PHACTR3: variants seen among roughly 807,000 people sequenced by gnomAD.
PHACTR3 encodes the protein protein phosphatase 1, regulatory subunit 123.
In PHACTR3, 16 loss-of-function variants were observed where a neutral mutation model predicts 66.8. That is an observed-to-expected ratio of 0.24 (90% CI 0.16 to 0.36). The LOEUF is 0.36. PHACTR3 is among the 10% of genes least tolerant of loss of function. The pLI is 1.00. For synonymous variants in PHACTR3, 323 were observed against 292.1 expected, an observed-to-expected ratio of 1.11 and a Z score of -1.08; for missense variants, 647 against 719.9, an observed-to-expected ratio of 0.90 and a Z score of 1.16.
chr20:59,801,525 T>A (rs2146984289), intron 7 of PHACTR3, among the ~76,000 whole-genome samples: 1 of 152,360 alleles, frequency 6.6e-6, no homozygotes, highest in South Asian at 2.1e-4. Context: ...TAGGCTCTGC[T>A]ATTGGGTGTC....
At chr20:59,775,078 C>G (rs538166949) in intron 7 of PHACTR3, among the ~76,000 whole-genome samples, 263 of 79,588 alleles carry the variant, frequency 3.3e-3, no homozygotes, top group African/African-American at 8.4e-3. Flanking sequence ...CCTCATGGTG[C>G]GTTCTCCCAT....
At chr20:59,670,989 C>T (rs866385008) in intron 1 of PHACTR3, among the ~76,000 whole-genome samples, 6 of 152,188 alleles carry the variant, frequency 3.9e-5, no homozygotes, top group African/African-American at 1.2e-4. Context: ...TGCTCATGTG[C>T]GCATGCTTTC....
At chr20:59,723,882 C>T (rs2038450022) in intron 1 of PHACTR3, among the ~76,000 whole-genome samples, 1 of 151,992 alleles carries the variant, frequency 6.6e-6, no homozygotes, top group Admixed American at 6.5e-5. Context: ...TCTTTGTGGT[C>T]TGCTCAGGAG....
intron 1 of PHACTR3, among the ~76,000 whole-genome samples, chr20:59,627,518 G>A (rs2034499727): frequency 6.6e-6 from 1 of 152,222 alleles, no homozygotes; most frequent in African/African-American, 2.4e-5. Flanking sequence ...AGATGAGCAG[G>A]ATGGGGGTTG....
chr20:59,828,720 G>A (rs1236167531), intron 8 of PHACTR3, among the ~76,000 whole-genome samples: 1 of 152,092 alleles, frequency 6.6e-6, no homozygotes, highest in African/African-American at 2.4e-5. Context: ...AGGGGTGGGA[G>A]TAGGAGGGGC....
chr20:59,578,549 G>A (rs1957872100), intron 1 of PHACTR3, among the ~76,000 whole-genome samples: 1 of 152,188 alleles, frequency 6.6e-6, no homozygotes, highest in Non-Finnish European at 1.5e-5. Flanking sequence ...GCCTCGAAAC[G>A]GGTTGATCCT....
chr20:59,709,856 G>A (rs1451418465), intron 1 of PHACTR3, among the ~76,000 whole-genome samples: 1 of 152,024 alleles, frequency 6.6e-6, no homozygotes, highest in Non-Finnish European at 1.5e-5. Flanking sequence ...TCAGAGTCTC[G>A]GTGCCTTCCT....
At chr20:59,759,498 G>A (rs187182246) in intron 4 of PHACTR3, among the ~76,000 whole-genome samples, 113 of 152,286 alleles carry the variant, frequency 7.4e-4, no homozygotes, top group African/African-American at 2.6e-3. Context: ...CTGTAGATGG[G>A]TGTTGGAGTT....
intron 8 of PHACTR3, among the ~76,000 whole-genome samples, chr20:59,807,949 T>A (rs2147003627): frequency 6.6e-6 from 1 of 152,328 alleles, no homozygotes; most frequent in South Asian, 2.1e-4. Flanking sequence ...GGGCACCTTC[T>A]GTGTTGCACC....
In PHACTR3 at chr20:59,806,287, G is replaced by C. The variant is rs1012852245; in HGVS notation, c.1328+93G>C. On this transcript the variant is annotated intron_variant, in intron 8 of 12. Coordinates refer to ENST00000371015, the MANE Select transcript of PHACTR3 (RefSeq NM_080672.5). ...CCCACATCCTGGGTGTGCCAGGCCG[G>C]GACGCACAACCCACCGTCTGCAGCA... 4.7e-6 allele frequency: 7 copies of C among 1,494,454 alleles called. No individual in the cohort carries two copies. The African/African-American group carries it at 9.8e-5, about 21-fold the overall frequency. The allele number at this position is 1,494,454 out of a possible 1,614,324, so 92.6% of individuals were successfully genotyped here. A position where few individuals can be genotyped will look rare whatever the true frequency, so the allele number is the denominator to read the frequency against.
intron 1 of PHACTR3, among the ~76,000 whole-genome samples, chr20:59,658,399 T>G (rs2035696478): frequency 6.6e-6 from 1 of 151,952 alleles, no homozygotes; most frequent in Admixed American, 6.6e-5. Flanking sequence ...AAGCTGGACG[T>G]TTTAGTAGAT....
chr20:59,773,363 C>T lies in PHACTR3; in HGVS notation c.836C>T (p.Pro279Leu), dbSNP rs1039165961. 2.0e-5 allele frequency: 33 copies of T among 1,614,032 alleles called. No homozygotes were observed. The highest frequency in any genetic ancestry group is 2.5e-5 in the Non-Finnish European group (30 of 1,180,048). ...CAGCTCTCCACACCCACGGGGTCTC[C>T]GCATCTCACCACGGTCCACCGGCCT... ...RGQLSTPTGS[P>L]HLTTVHRPLP... The change falls in exon 6 of 13, where the codon CCG (proline) becomes CTG (leucine). Residue 279 changes from proline (P) to leucine (L), a missense_variant. Around this residue, in one of 2 missense-constraint regions of PHACTR3, gnomAD observed 577 missense variants for 571.1 expected, o/e 1.01. Transcript: ENST00000371015.
intron 1 of PHACTR3, chr20:59,676,701 CG>C (rs1896566846): frequency 3.0e-6 from 3 of 985,014 alleles, no homozygotes; most frequent in South Asian, 4.7e-5. Flanking sequence ...CAGAAGCCCG[CG>C]GGGAGAGCAG....
At chr20:59,596,664 GTGTAACACCTCTGGACATTGGCA>G (rs2033332828) in intron 1 of PHACTR3, among the ~76,000 whole-genome samples, 1 of 152,180 alleles carries the variant, frequency 6.6e-6, no homozygotes, top group Admixed American at 6.5e-5. Flanking sequence ...GTTATTCTGC[GTGTAACACCTCTGGACATTGGCA>G]TGCATAGCTT....
Position 59,821,366 on chromosome 20 carries a change from C to T in PHACTR3, c.1329-15139C>T, listed in dbSNP as rs552317247. Among the ~76,000 whole-genome samples, 21 of 152,272 alleles carry T rather than the reference C, an allele frequency of 1.4e-4. 1 individual carries two copies. In the South Asian group the frequency reaches 1.9e-3, roughly 14 times the overall value. ...ACCTTCCTGCTATTTACCCTTATGC[C>T]GGTGTTGATCCTCCATGGTCCAGGG... is the stretch of plus-strand genomic sequence containing the variant. On this transcript the variant is annotated intron_variant, in intron 8 of 12. Transcript: ENST00000371015.
intron 1 of PHACTR3, among the ~76,000 whole-genome samples, chr20:59,606,394 A>G (rs1338255758): frequency 1.3e-5 from 2 of 152,160 alleles, no homozygotes; most frequent in African/African-American, 4.8e-5. Flanking sequence ...CACTTGGTCA[A>G]ACTAAGGTAC....
chr20:59,805,964 C>G lies in PHACTR3; in HGVS notation c.1175-77C>G, dbSNP rs1236085273. The G allele has an allele frequency of 3.4e-6, 5 of 1,489,448 alleles. No homozygotes were observed. The South Asian group carries it at 6.6e-5, about 20-fold the overall frequency. 92.3% of individuals were successfully genotyped at this position (1,489,448 alleles called of 1,614,324 possible). On this transcript the variant is annotated intron_variant, in intron 7 of 12. Coordinates refer to ENST00000371015, the MANE Select transcript of PHACTR3 (RefSeq NM_080672.5). ...CCTTCCTCTGGCAGGTGGGCGGCTC[C>G]ATTGACAAGCCAGCCCTCCGCTAAG... is the stretch of plus-strand genomic sequence containing the variant.
At chr20:59,583,263 G>A (rs912785299) in intron 1 of PHACTR3, among the ~76,000 whole-genome samples, 1 of 152,168 alleles carries the variant, frequency 6.6e-6, no homozygotes, top group African/African-American at 2.4e-5. Context: ...GATTCTGGTG[G>A]GGATTCCTAG....
In PHACTR3 at chr20:59,686,638, ATGG is replaced by A. The variant is rs550504214; in HGVS notation, c.119-56463_119-56461del. Among the ~76,000 whole-genome samples, 311 of 149,270 alleles carry A rather than the reference ATGG, an allele frequency of 2.1e-3. 3 individuals are homozygous for A. The highest frequency in any genetic ancestry group is 5.5e-3 in the African/African-American group (221 of 40,260). ...GATGATGGTTGTGATGATTGTGATG[ATGG>A]TGGTGATGATGATGGTGGTGATGAT... is the stretch of plus-strand genomic sequence containing the variant. On this transcript the variant is annotated intron_variant, in intron 1 of 12. Transcript: ENST00000371015.
Sources: gnomAD v4.1 joint callset for allele counts (sites outside exome capture counted in the v4.1 genomes callset) on GRCh38, gnomAD v4.1.1 for gene constraint, gnomAD v4.1.1 regional missense constraint, MANE v1.5 for transcripts, NCBI Gene and HGNC (gene_info 2026-07-23, HGNC 2026-07-21) for gene names.